Variants in MBD3 observed in about 807,000 individuals in gnomAD.
The protein encoded by MBD3 is methyl-CpG binding domain protein 3, also known as methyl-CpG-binding domain protein 3.
Under a neutral mutation model 31.2 loss-of-function variants are expected in MBD3, and 13 were observed. The observed-to-expected ratio is 0.42, with a 90% CI of 0.27 to 0.66. The LOEUF (loss-of-function observed/expected upper bound fraction) is 0.66, where lower values mean the gene tolerates loss of function less well. Among genes scored for constraint, MBD3 ranks in the 30% least tolerant of loss-of-function variants. The pLI is 0.26. For synonymous variants in MBD3, 223 were observed against 187.4 expected (o/e 1.19, Z -1.55); for missense variants, 440 against 426.5 (o/e 1.03, Z -0.28).
intron 2 of MBD3, 55 bp downstream of exon 2, chr19:1,585,000 C>T (rs1488969042): frequency 8.8e-6 from 14 of 1,598,882 alleles, no homozygotes; most frequent in Non-Finnish European, 1.1e-5. Context: ...GTCATGGCCG[C>T]GTCCCCGCCT....
chr19:1,578,672 C>G lies in MBD3; in HGVS notation c.678-134G>C. 1 of 1,536,098 alleles carries G rather than the reference C, an allele frequency of 6.5e-7. No individual in the cohort carries two copies. Among genetic ancestry groups the G allele is most frequent in the Non-Finnish European group, 8.9e-7 (1 of 1,127,334 alleles). ...GGCACCCCCCCAGGACCAGCCCTGGCCCGTGCCACCCCTCCCTTCACAATC... is the reference window on the plus strand; with the variant it reads ...GGCACCCCCCCAGGACCAGCCCTGGGCCGTGCCACCCCTCCCTTCACAATC... On this transcript the variant is annotated intron_variant, in intron 5 of 6. Transcript: ENST00000434436. The surrounding 1 kb of genome is among the most constrained non-coding windows in gnomAD (Gnocchi z 6.1).
intron 3 of MBD3, 53 bp downstream of exon 3, chr19:1,584,487 C>G (rs1209556381): frequency 1.2e-6 from 2 of 1,606,860 alleles, no homozygotes; most frequent in Non-Finnish European, 1.7e-6. Context: ...CGTCCACCCA[C>G]CAAAGTGAAC....
At chr19:1,592,164 C>G (rs2060706793) in intron 1 of MBD3, 1 of 152,400 alleles carries the variant, frequency 6.6e-6, no homozygotes, top group Non-Finnish European at 1.5e-5. Context: ...AGGAGCGCCC[C>G]AAGAAGGCAC....
In MBD3 at chr19:1,581,195, T is replaced by C. The variant is rs994504784; in HGVS notation, c.574A>G (p.Ile192Val). The change falls in exon 5 of 7, where the codon ATC (isoleucine) becomes GTC (valine). Residue 192 changes from isoleucine to valine, a missense_variant. Ile to Val is a conservative substitution (Grantham distance 29). This residue lies in a region of MBD3 where 144 missense variants were observed against 196.9 expected (regional missense o/e 0.73). Coordinates refer to ENST00000434436, the MANE Select transcript of MBD3 (RefSeq NM_001281453.2). ...ACGGCGGCCGAGAGCTGTCCCGTGA[T>C]GGGCATGGTGCTAGTGTGCAGGGCG... The part of the protein sequence containing the change: ...ASALHTSTMP[I>V]TGQLSAAVEK... 6.2e-7 allele frequency: 1 copy of C among 1,613,850 alleles called. No homozygotes were observed. The highest frequency in any genetic ancestry group is 1.3e-5 in the African/African-American group (1 of 74,926).
intron 5 of MBD3, among the ~76,000 whole-genome samples, chr19:1,580,577 C>T (rs1266679882): frequency 6.6e-6 from 1 of 152,248 alleles, no homozygotes; most frequent in Non-Finnish European, 1.5e-5. Context: ...GGCGGCCTTG[C>T]GTCCACTCTG....
chr19:1,584,503 G>T, intron 3 of MBD3, 37 bp downstream of exon 3: 1 of 1,609,578 alleles, frequency 6.2e-7, no homozygotes, highest in Non-Finnish European at 8.5e-7. Context: ...TGAACAACCC[G>T]GCCGGGAAGG....
rs1915048032 is a variant in MBD3 at position 1,574,614 on chromosome 19, G to A, written c.*3550C>T. On this transcript the variant is annotated 3_prime_UTR_variant, in exon 7 of 7. Transcript: ENST00000434436. ...TCATCCCTGGATGGGCACTTGACTT[G>A]TTTACACTTTTTGGACCCCTTGAAT... 1 of 152,942 alleles carries A rather than the reference G, an allele frequency of 6.5e-6. No individual in the cohort carries two copies. Among genetic ancestry groups the A allele is most frequent in the African/African-American group, 2.4e-5 (1 of 41,454 alleles). The allele number at this position is 152,942 out of a possible 1,614,324, so 9.5% of individuals were successfully genotyped here.
rs1303641056 is a variant in MBD3, at chr19:1,578,101, G to A, written c.*63C>T. 1.6e-6 allele frequency: 1 copy of A among 629,968 alleles called. No individual in the cohort carries two copies. The highest frequency in any genetic ancestry group is 2.7e-6 in the Non-Finnish European group (1 of 366,274). The allele number at this position is 629,968 out of a possible 1,614,324, so 39.0% of individuals were successfully genotyped here. ...CGCCGCCGAGCCTGGTTCACGTGGG[G>A]CCGAGGACCGCGTCTGCAGGCGGCT... On this transcript the variant is annotated 3_prime_UTR_variant, in exon 7 of 7. Coordinates refer to ENST00000434436, the MANE Select transcript of MBD3 (RefSeq NM_001281453.2). The surrounding 1 kb of genome is among the most constrained non-coding windows in gnomAD (Gnocchi z 6.1).
At chr19:1,587,601 G>C (rs1390798839) in intron 1 of MBD3, among the ~76,000 whole-genome samples, 1 of 152,086 alleles carries the variant, frequency 6.6e-6, no homozygotes, top group African/African-American at 2.4e-5. Context: ...TTTTTGCATA[G>C]ATGGGGACTC....
At chr19:1,591,068 C>G (rs2060701272) in intron 1 of MBD3, among the ~76,000 whole-genome samples, 1 of 152,218 alleles carries the variant, frequency 6.6e-6, no homozygotes, top group Non-Finnish European at 1.5e-5. Flanking sequence ...AGCTCCCAAG[C>G]TGCAGCCACC....
chr19:1,587,390 C>T (rs1405304474), intron 1 of MBD3, among the ~76,000 whole-genome samples: 4 of 152,062 alleles, frequency 2.6e-5, no homozygotes, highest in South Asian at 2.1e-4. Flanking sequence ...TGAGTCATCA[C>T]GCCCTGCTGC....
chr19:1,592,347 G>A (rs2060708202), intron 1 of MBD3, 175 bp downstream of exon 1: 1 of 173,326 alleles, frequency 5.8e-6, no homozygotes, highest in Non-Finnish European at 1.2e-5. Context: ...CCAACAAGCG[G>A]CGCACGCGCA....
In MBD3 at chr19:1,578,353, A is replaced by C; in HGVS notation, c.863T>G (p.Met288Arg). ...EEEEPDPDPE[M>R]EHV Reference sequence around the variant, plus strand: ...GCAGCACCTGCCCTAGACGTGCTCCATCTCCGGGTCCGGGTCGGGCTCCTC... The same window carrying C: ...GCAGCACCTGCCCTAGACGTGCTCCCTCTCCGGGTCCGGGTCGGGCTCCTC... The change falls in exon 6 of 7, where the codon ATG becomes AGG. Residue 288 changes from methionine to arginine, a missense_variant. This residue lies in a region of MBD3 where 117 missense variants were observed against 95.0 expected (regional missense o/e 1.23). Coordinates refer to ENST00000434436, the MANE Select transcript of MBD3 (RefSeq NM_001281453.2). This position sits in a 1 kb window ranked among gnomAD's most constrained non-coding sequence, Gnocchi z 6.1. The C allele has an allele frequency of 1.2e-6, 2 of 1,603,596 alleles. No individual in the cohort carries two copies. Among genetic ancestry groups the C allele is most frequent in the South Asian group, 1.1e-5 (1 of 91,052 alleles).
Position 1,575,100 on chromosome 19 carries a change from G to C in MBD3, c.*3064C>G, listed in dbSNP as rs1384466967. On this transcript the variant is annotated 3_prime_UTR_variant, in exon 7 of 7. Transcript: ENST00000434436. ...AGCGGTGGGGAGCTTGGTCTGAGGGGAGGCGGGGGACACGTGAGGCTCTTG... is the reference window on the plus strand; with the variant it reads ...AGCGGTGGGGAGCTTGGTCTGAGGGCAGGCGGGGGACACGTGAGGCTCTTG... 3 of 388,902 alleles carry C rather than the reference G, an allele frequency of 7.7e-6. No homozygotes were observed. The highest frequency in any genetic ancestry group is 2.7e-5 in the Admixed American group (1 of 36,540). The allele number at this position is 388,902 out of a possible 1,614,324, so 24.1% of individuals were successfully genotyped here.
In MBD3 at chr19:1,585,248, G is replaced by A. The variant is rs1227314868; in HGVS notation, c.111-34C>T. ...AGGCGGGACGGTCGGCGCCCCGGGC[G>A]GACCCCAGACCCCAAACCCAGGCCT... On this transcript the variant is annotated intron_variant, in intron 1 of 6. Transcript: ENST00000434436. This position sits in a 1 kb window ranked among gnomAD's most constrained non-coding sequence, Gnocchi z 4.1. 2.6e-6 allele frequency: 4 copies of A among 1,547,108 alleles called. No homozygotes were observed. The South Asian group carries it at 3.5e-5, about 14-fold the overall frequency.
chr19:1,587,586 T>A (rs1325883440), intron 1 of MBD3, among the ~76,000 whole-genome samples: 1 of 152,104 alleles, frequency 6.6e-6, no homozygotes, highest in Non-Finnish European at 1.5e-5. Context: ...AGCTAATTTT[T>A]AAATTTTTTG....
intron 2 of MBD3, 67 bp from the exon 3 acceptor site, chr19:1,584,744 G>C: frequency 3.3e-6 from 5 of 1,519,338 alleles, no homozygotes; most frequent in Non-Finnish European, 4.5e-6. Context: ...CAGGGGGTGC[G>C]GGGCCCGGGT....
intron 1 of MBD3, among the ~76,000 whole-genome samples, chr19:1,586,611 T>C (rs2145605295): frequency 6.6e-6 from 1 of 151,252 alleles, no homozygotes; most frequent in East Asian, 1.9e-4. Flanking sequence ...TGGGCTAGGG[T>C]GATCCTTCCA....
chr19:1,591,330 C>G (rs146751729), intron 1 of MBD3, among the ~76,000 whole-genome samples: 18 of 152,332 alleles, frequency 1.2e-4, no homozygotes, highest in Middle Eastern at 6.8e-3. Flanking sequence ...TCCTGCAGGA[C>G]GAGGCCCCAC....
Sources: allele counts gnomAD v4.1 joint callset (sites outside exome capture counted in the v4.1 genomes callset), GRCh38; gene constraint gnomAD v4.1.1; regional missense constraint gnomAD v4.1.1; non-coding constraint Gnocchi (gnomAD v3.1); transcripts MANE v1.5; gene names NCBI Gene and HGNC (gene_info 2026-07-23, HGNC 2026-07-21).